RAD9A: variants seen among roughly 807,000 people sequenced by gnomAD.
The protein encoded by RAD9A is cell cycle checkpoint control protein RAD9A.
Under a neutral mutation model 41.2 loss-of-function variants are expected in RAD9A, and 25 were observed. That is an observed-to-expected ratio of 0.61 (90% CI 0.44 to 0.85). The LOEUF (loss-of-function observed/expected upper bound fraction) is 0.85. RAD9A is among the 40% of genes least tolerant of loss of function. The probability of loss-of-function intolerance (pLI) is 0.00; values close to 1 mark genes in which losing one functional copy is unlikely to be tolerated. For missense variants in RAD9A, 514 were observed against 518.3 expected (o/e 0.99, Z 0.08); for synonymous variants, 252 against 210.6 (o/e 1.20, Z -1.70).
At position 67,398,048 on chromosome 11, in the gene RAD9A, T is replaced by C. The variant is rs1021446850; in HGVS notation, c.*489T>C. ...TTTCCTGATACTCTTTGGCGCTGACTTGGAATTCTAAGAGCCTTGGACCCG... is the reference window on the plus strand; with the variant it reads ...TTTCCTGATACTCTTTGGCGCTGACCTGGAATTCTAAGAGCCTTGGACCCG... On this transcript the variant is annotated 3_prime_UTR_variant, in exon 11 of 11. Transcript: ENST00000307980. 4 of 197,620 alleles carry C rather than the reference T, an allele frequency of 2.0e-5. No individual in the cohort carries two copies. The highest frequency in any genetic ancestry group is 1.5e-4 in the East Asian group (1 of 6,810). 12.2% of individuals were successfully genotyped at this position (197,620 alleles called of 1,614,324 possible).
At chr11:67,396,524 G>A in intron 9 of RAD9A, 124 bp downstream of exon 9, 2 of 1,254,980 alleles carry the variant, frequency 1.6e-6, no homozygotes, top group South Asian at 1.4e-5. Flanking sequence ...TTTCTATCAG[G>A]CCCCAGCCCC....
chr11:67,396,087 C>T (rs1249509290), intron 7 of RAD9A, 24 bp from the exon 8 acceptor site: 2 of 1,613,304 alleles, frequency 1.2e-6, no homozygotes, highest in African/African-American at 2.7e-5. Flanking sequence ...CCCGGGGCCT[C>T]ACCTGCTACC....
At chr11:67,397,003 C>G (rs1482505892) in intron 9 of RAD9A, among the ~76,000 whole-genome samples, 176 bp from the exon 10 acceptor site, 1 of 152,196 alleles carries the variant, frequency 6.6e-6, no homozygotes, top group Admixed American at 6.5e-5. Context: ...GGCCCACCCC[C>G]TCCAGGAAGT....
chr11:67,395,032 C>T (rs528035317), intron 5 of RAD9A, among the ~76,000 whole-genome samples: 9 of 151,858 alleles, frequency 5.9e-5, no homozygotes, highest in East Asian at 5.8e-4. Flanking sequence ...CTCTGCCTCC[C>T]GGGTTCAAGC....
rs756633055 is a variant in RAD9A at position 67,397,302 on chromosome 11, G to GCC, written c.1001_1002dup (p.Lys335ProfsTer63). ...CCATTTCCCTTTCACCTGGCCCCCA[G>GCC]CCCCCCAAGAGCCCCGGTCCCCACT... On this transcript the variant is annotated frameshift_variant, in exon 10 of 11. Transcript: ENST00000307980. LOFTEE classifies it high-confidence loss of function. 7.5e-7 allele frequency: 1 copy of GCC among 1,340,358 alleles called. No individual in the cohort carries two copies. The highest frequency in any genetic ancestry group is 1.6e-5 in the African/African-American group (1 of 63,922). 83.0% of individuals were successfully genotyped at this position (1,340,358 alleles called of 1,614,324 possible). A position where few individuals can be genotyped will look rare whatever the true frequency, so the allele number is the denominator to read the frequency against.
In RAD9A at chr11:67,398,153, G is replaced by GTGTC. The variant is rs759204504; in HGVS notation, c.*596_*599dup. The GTGTC allele has an allele frequency of 1.9e-5, 5 of 260,262 alleles. No homozygotes were observed. The highest frequency in any genetic ancestry group is 3.7e-5 in the Non-Finnish European group (5 of 134,386). 16.1% of individuals were successfully genotyped at this position (260,262 alleles called of 1,614,324 possible). A position where few individuals can be genotyped will look rare whatever the true frequency, so the allele number is the denominator to read the frequency against. On this transcript the variant is annotated 3_prime_UTR_variant, in exon 11 of 11. Coordinates refer to ENST00000307980, the MANE Select transcript of RAD9A (RefSeq NM_004584.3). ...CTCTGTGCAGAAGAGCTGCCAGGCA[G>GTGTC]TGTCTTAGATGTGAGACGGAGGCCA...
In RAD9A at chr11:67,398,381, T is replaced by C; in HGVS notation, c.*822T>C. 4 of 748,600 alleles carry C rather than the reference T, an allele frequency of 5.3e-6. No homozygotes were observed. Among genetic ancestry groups the C allele is most frequent in the Non-Finnish European group, 8.5e-6 (4 of 469,974 alleles). 46.4% of individuals were successfully genotyped at this position (748,600 alleles called of 1,614,324 possible). A position where few individuals can be genotyped will look rare whatever the true frequency, so the allele number is the denominator to read the frequency against. On this transcript the variant is annotated 3_prime_UTR_variant, in exon 11 of 11. Transcript: ENST00000307980. ...AGCCCTGGGGGACTGGACGCTGCTA[T>C]TGATTCATTAAAAAAAGAAAAGAAA...
intron 4 of RAD9A, 40 bp downstream of exon 4, chr11:67,393,650 G>A: frequency 6.2e-7 from 1 of 1,613,182 alleles, no homozygotes. Flanking sequence ...GCCTCAGCAG[G>A]GAGGTCGGCG....
intron 9 of RAD9A, 87 bp downstream of exon 9, chr11:67,396,487 G>A (rs968698759): frequency 8.8e-5 from 131 of 1,489,388 alleles, no homozygotes; most frequent in Non-Finnish European, 1.1e-4. Flanking sequence ...GCACCTCCCC[G>A]CAATGTGTTC....
At chr11:67,396,798 G>A (rs1862714753) in intron 9 of RAD9A, among the ~76,000 whole-genome samples, 1 of 152,160 alleles carries the variant, frequency 6.6e-6, no homozygotes. Flanking sequence ...AGCACAGGAA[G>A]TTGGGGCTGG....
In RAD9A at chr11:67,393,596, T is replaced by A. The variant is rs1036281524; in HGVS notation, c.335T>A (p.Leu112Gln). ...CGGAGCAGCCGCCTGGTGGTCCAGCTGCATTGCAAGTTCGGTGAGTGGGCA... is the reference window on the plus strand; with the variant it reads ...CGGAGCAGCCGCCTGGTGGTCCAGCAGCATTGCAAGTTCGGTGAGTGGGCA... ...NGRSSRLVVQ[L>Q]HCKFGVRKTH... The change falls in exon 4 of 11, where the codon CTG (leucine) becomes CAG (glutamine). Residue 112 changes from leucine (L) to glutamine (Q), a missense_variant. Transcript: ENST00000307980. 6.2e-7 allele frequency: 1 copy of A among 1,614,188 alleles called. No homozygotes were observed. Among genetic ancestry groups the A allele is most frequent in the Non-Finnish European group, 8.5e-7 (1 of 1,180,028 alleles).
intron 5 of RAD9A, 113 bp from the exon 6 acceptor site, chr11:67,395,603 C>T (rs1169504481): frequency 3.2e-5 from 26 of 804,676 alleles, no homozygotes; most frequent in Non-Finnish European, 4.9e-5. Flanking sequence ...CCACGGTGCG[C>T]TAGGCCTGCG....
chr11:67,392,248 T>TGGGGGTGGGGGGG lies in RAD9A; in HGVS notation c.105+22_105+23insTGGGGGGGGGGGG. On this transcript the variant is annotated intron_variant, in intron 2 of 10. Coordinates refer to ENST00000307980, the MANE Select transcript of RAD9A (RefSeq NM_004584.3). ...GAGGACGGGGTGAGGGGCTAGGGTGTGGGGGGCGGGTGGGACTCCAGCCGG... is the reference window on the plus strand; with the variant it reads ...GAGGACGGGGTGAGGGGCTAGGGTGTGGGGGTGGGGGGGGGGGGGCGGGTGGGACTCCAGCCGG... 3.1e-6 allele frequency: 1 copy of TGGGGGTGGGGGGG among 321,846 alleles called. No individual in the cohort carries two copies. Among genetic ancestry groups the TGGGGGTGGGGGGG allele is most frequent in the African/African-American group, 3.6e-5 (1 of 28,132 alleles). 19.9% of individuals were successfully genotyped at this position (321,846 alleles called of 1,614,324 possible).
rs145520917 is a variant in RAD9A at position 67,396,519 on chromosome 11, A to T, written c.872+119A>T. On this transcript the variant is annotated intron_variant, in intron 9 of 10. Coordinates refer to ENST00000307980, the MANE Select transcript of RAD9A (RefSeq NM_004584.3). ...GTTCTCTCCCGCCCCTTCTCTTTCT[A>T]TCAGGCCCCAGCCCCTAACCCTATA... 522 of 1,295,546 alleles carry T rather than the reference A, an allele frequency of 4.0e-4. 2 individuals carry two copies. The African/African-American group carries it at 7.0e-3, about 17-fold the overall frequency. The allele number at this position is 1,295,546 out of a possible 1,614,324, so 80.3% of individuals were successfully genotyped here.
Position 67,397,926 on chromosome 11 carries a change from C to T in RAD9A, c.*367C>T, listed in dbSNP as rs1862766147. On this transcript the variant is annotated 3_prime_UTR_variant, in exon 11 of 11. Transcript: ENST00000307980. ...AATGTCATAGTAGGTGCTGCTGGCC[C>T]CTGGTGATCCAGCTTCTCTGCCAAT... 3 of 244,888 alleles carry T rather than the reference C, an allele frequency of 1.2e-5. No homozygotes were observed. Among genetic ancestry groups the T allele is most frequent in the Non-Finnish European group, 2.4e-5 (3 of 126,602 alleles). The allele number at this position is 244,888 out of a possible 1,614,324, so 15.2% of individuals were successfully genotyped here.
At chr11:67,396,445 A>C (rs1590931701) in intron 9 of RAD9A, 45 bp downstream of exon 9, 12 of 1,599,950 alleles carry the variant, frequency 7.5e-6, no homozygotes, top group Non-Finnish European at 9.4e-6. Flanking sequence ...ATGTCTGTGC[A>C]CTCCAGCCTG....
At chr11:67,395,428 G>A (rs1434642302) in intron 5 of RAD9A, 6 of 468,810 alleles carry the variant, frequency 1.3e-5, no homozygotes, top group African/African-American at 2.0e-5. Context: ...ATCCTTAGAG[G>A]ATAAGGATTT....
At chr11:67,393,819 C>T (rs745556107) in intron 5 of RAD9A, 29 bp downstream of exon 5, 8 of 1,527,436 alleles carry the variant, frequency 5.2e-6, no homozygotes, top group South Asian at 1.2e-5. Flanking sequence ...TCAGCTCAGC[C>T]CCGGGTCTCT....
chr11:67,395,606 G>A (rs1474379872), intron 5 of RAD9A, 110 bp from the exon 6 acceptor site: 11 of 818,586 alleles, frequency 1.3e-5, no homozygotes, highest in Non-Finnish European at 1.9e-5. Context: ...CGGTGCGCTA[G>A]GCCTGCGCAC....
Sources: gnomAD v4.1 joint callset for allele counts (sites outside exome capture counted in the v4.1 genomes callset) on GRCh38, gnomAD v4.1.1 for gene constraint, MANE v1.5 for transcripts, NCBI Gene and HGNC (gene_info 2026-07-23, HGNC 2026-07-21) for gene names.